The following NHSL2 variants were observed in gnomAD, a reference collection of about 807,000 sequenced individuals.
The protein encoded by NHSL2 is NHS like 2, also known as NHS-like protein 2.
NHSL2 carries 27 observed loss-of-function variants against 53.4 expected under a neutral mutation model. The ratio of observed to expected loss-of-function variants is 0.51; its 90% confidence interval spans 0.37 to 0.70. NHSL2 has a LOEUF of 0.70. Ranked by LOEUF, NHSL2 falls within the 30% of genes least tolerant of loss-of-function variation. The pLI, the probability that NHSL2 is intolerant of heterozygous loss-of-function variation, is 0.00. For synonymous variants in NHSL2, 408 were observed against 404.1 expected, an observed-to-expected ratio of 1.01 and a Z score of -0.12; for missense variants, 892 against 980.1, an observed-to-expected ratio of 0.91 and a Z score of 1.20.
intron 1 of NHSL2, among the ~76,000 whole-genome samples, chrX:71,949,295 C>T (rs1286386852): frequency 3.6e-5 from 4 of 110,646 alleles, no homozygotes; most frequent in African/African-American, 9.9e-5. Context: ...CTGGGCTGGG[C>T]GTGGGTGAGA....
chrX:72,068,470 G>A (rs973589526), intron 1 of NHSL2, among the ~76,000 whole-genome samples: 37 of 112,132 alleles, frequency 3.3e-4, no homozygotes, highest in Non-Finnish European at 4.9e-4. Flanking sequence ...ACCACCACTC[G>A]CCTGAGTGAA....
chrX:71,963,958 T>TATATATAC (rs1569466982), intron 1 of NHSL2, among the ~76,000 whole-genome samples: 10 of 6,430 alleles, frequency 1.6e-3, no homozygotes, highest in South Asian at 0.024. Flanking sequence ...GCTATATATA[T>TATATATAC]ACACATATAT....
intron 1 of NHSL2, among the ~76,000 whole-genome samples, chrX:72,064,485 A>G (rs904792058): frequency 4.5e-5 from 5 of 111,701 alleles, no homozygotes; most frequent in Non-Finnish European, 9.4e-5. Flanking sequence ...CTAATAATCC[A>G]CACCTGACAG....
intron 1 of NHSL2, among the ~76,000 whole-genome samples, chrX:71,962,608 C>T (rs2041872805): frequency 9.9e-6 from 1 of 100,593 alleles, no homozygotes; most frequent in Admixed American, 1.2e-4. Flanking sequence ...GTAGCAATGT[C>T]CCCACTTTCA....
At chrX:71,936,221 G>T (rs753939413) in intron 1 of NHSL2, among the ~76,000 whole-genome samples, 13 of 111,939 alleles carry the variant, frequency 1.2e-4, no homozygotes, top group Non-Finnish European at 2.1e-4. Context: ...GGCATGGTGA[G>T]AGGCAGGCTG....
At chrX:72,067,535 A>G (rs1298322299) in intron 1 of NHSL2, among the ~76,000 whole-genome samples, 1 of 112,336 alleles carries the variant, frequency 8.9e-6, no homozygotes, top group African/African-American at 3.2e-5. Context: ...CCCATCACAA[A>G]TGGATAAGAG....
intron 1 of NHSL2, among the ~76,000 whole-genome samples, chrX:72,054,953 G>A (rs746905104): frequency 2.7e-5 from 3 of 111,298 alleles, no homozygotes; most frequent in East Asian, 2.8e-4. Flanking sequence ...CCTTTCCCCC[G>A]TCACTCTTTC....
intron 1 of NHSL2, among the ~76,000 whole-genome samples, chrX:71,920,953 C>CGTGT (rs2041654747): frequency 1.8e-5 from 2 of 108,617 alleles, no homozygotes; most frequent in Non-Finnish European, 3.8e-5. Context: ...TACAGGTACC[C>CGTGT]GCCACCATGC....
intron 1 of NHSL2, among the ~76,000 whole-genome samples, chrX:71,958,937 A>G (rs1422971667): frequency 1.8e-5 from 2 of 111,937 alleles, no homozygotes; most frequent in Middle Eastern, 4.6e-3. Context: ...GGATATCAGG[A>G]CTCCTAACTG....
intron 1 of NHSL2, chrX:72,044,450 C>G: frequency 2.2e-6 from 1 of 452,223 alleles, no homozygotes; most frequent in South Asian, 3.3e-5. Flanking sequence ...CAGGTGGCCC[C>G]CATTCCTCTA....
chrX:71,948,138 G>T (rs2041801780), intron 1 of NHSL2, among the ~76,000 whole-genome samples: 1 of 112,398 alleles, frequency 8.9e-6, no homozygotes, highest in African/African-American at 3.2e-5. Context: ...AATAACAGGT[G>T]TCAACACACC....
intron 1 of NHSL2, chrX:72,131,690 G>T: frequency 2.0e-6 from 1 of 500,084 alleles, no homozygotes. Flanking sequence ...CACACCCACC[G>T]GGGCGAGCTC....
intron 1 of NHSL2, among the ~76,000 whole-genome samples, chrX:72,097,193 A>C (rs950367214): frequency 7.1e-5 from 8 of 112,319 alleles, no homozygotes; most frequent in Non-Finnish European, 1.3e-4. Context: ...TTGTACCAAC[A>C]GGTTGGAAGA....
At chrX:72,095,974 C>G (rs2041940428) in intron 1 of NHSL2, among the ~76,000 whole-genome samples, 1 of 110,800 alleles carries the variant, frequency 9.0e-6, no homozygotes, top group Non-Finnish European at 1.9e-5. Flanking sequence ...GAGGCCAGGC[C>G]TGAGATTACA....
At chrX:72,043,911 A>G (rs923625762) in intron 1 of NHSL2, among the ~76,000 whole-genome samples, 20 of 111,980 alleles carry the variant, frequency 1.8e-4, no homozygotes, top group African/African-American at 6.2e-4. Context: ...ACGTGAGAAC[A>G]TGAAGGTGTG....
intron 1 of NHSL2, chrX:72,128,855 G>A (rs1317277573): frequency 1.8e-5 from 2 of 113,251 alleles, no homozygotes; most frequent in East Asian, 5.5e-4. Flanking sequence ...CCAAGGCCTG[G>A]CAAGGGGAGA....
At position 72,142,269 on chromosome X, in the gene NHSL2, A is replaced by G. The variant is rs2042423968; in HGVS notation, c.3261A>G (p.Leu1087=). 3.5e-6 allele frequency: 4 copies of G among 1,156,326 alleles called. No homozygotes were observed. The African/African-American group carries it at 7.2e-5, about 21-fold the overall frequency. The change falls in exon 7 of 8, where the codon TTA becomes TTG. Residue 1087 remains leucine, a synonymous_variant. Coordinates refer to ENST00000633930, the MANE Select transcript of NHSL2 (RefSeq NM_001013627.3). ...AACCAGGCACCGAAGAAAAAAGTTT[A>G]ATCAGTGATAAAACAGCTGAATGGA... ...SVEPGTEEKS[L]ISDKTAEWIA...
rs762563222 is a variant in NHSL2, at chrX:72,129,781, G to T, written c.281-2298G>T. The T allele has an allele frequency of 8.1e-6, 9 of 1,111,435 alleles. No individual in the cohort carries two copies. The South Asian group carries it at 1.3e-4, about 16-fold the overall frequency. 91.6% of individuals were successfully genotyped at this position (1,111,435 alleles called of 1,213,427 possible). A position where few individuals can be genotyped will look rare whatever the true frequency, so the allele number is the denominator to read the frequency against. ...CAGGTATGGCAGCAATAGCAGGGGC[G>T]GGGGATGCAAAAGAAGGGTGTGTTC... On this transcript the variant is annotated intron_variant, in intron 1 of 7. Coordinates refer to ENST00000633930, the MANE Select transcript of NHSL2 (RefSeq NM_001013627.3).
chrX:71,979,902 A>G (rs369088642), intron 1 of NHSL2, among the ~76,000 whole-genome samples: 2 of 111,439 alleles, frequency 1.8e-5, no homozygotes, highest in African/African-American at 3.3e-5. Flanking sequence ...TAGGTCTAAC[A>G]TTTAAGTCTT....
Sources: gnomAD v4.1 joint callset for allele counts (sites outside exome capture counted in the v4.1 genomes callset) on GRCh38, gnomAD v4.1.1 for gene constraint, MANE v1.5 for transcripts, NCBI Gene and HGNC (gene_info 2026-07-23, HGNC 2026-07-21) for gene names.